The following DCHS2 variants were observed in gnomAD, a reference collection of about 807,000 sequenced individuals.
DCHS2 encodes dachsous cadherin-related 2, also known as protocadherin-23.
A neutral mutation model predicts 182.4 loss-of-function variants in DCHS2; 142 were observed. The ratio of observed to expected loss-of-function variants is 0.78; its 90% CI spans 0.68 to 0.89. The LOEUF (loss-of-function observed/expected upper bound fraction) is 0.89, where lower values mean the gene tolerates loss of function less well. Among genes scored for constraint, DCHS2 ranks in the 40% least tolerant of loss-of-function variants. The pLI is 0.00. For synonymous variants in DCHS2, 1,740 were observed against 1,663.3 expected (o/e 1.05, Z -1.12); for missense variants, 4,319 against 4,198.6 (o/e 1.03, Z -0.79).
chr4:154,239,944 A>G (rs966402559), intron 18 of DCHS2, among the ~76,000 whole-genome samples: 3 of 152,220 alleles, frequency 2.0e-5, no homozygotes, highest in African/African-American at 7.2e-5. Flanking sequence ...CATGGCATTA[A>G]TTCAAGCAAG....
At chr4:154,369,884 G>T (rs1272603127) in intron 2 of DCHS2, among the ~76,000 whole-genome samples, 1 of 152,146 alleles carries the variant, frequency 6.6e-6, no homozygotes, top group Non-Finnish European at 1.5e-5. Context: ...ATATAATATT[G>T]GAGGCAGGAG....
intron 1 of DCHS2, among the ~76,000 whole-genome samples, chr4:154,461,043 T>C (rs1255656952): frequency 6.6e-6 from 1 of 152,084 alleles, no homozygotes; most frequent in Non-Finnish European, 1.5e-5. Context: ...AGGAATAACA[T>C]ATGAATCACA....
At chr4:154,274,889 AAAAC>A (rs769829325) in intron 13 of DCHS2, among the ~76,000 whole-genome samples, 5 of 152,084 alleles carry the variant, frequency 3.3e-5, no homozygotes, top group Admixed American at 6.6e-5. Context: ...GTAGTTAGAA[AAAAC>A]AAACAAAATA....
At chr4:154,247,099 A>G (rs1732106391) in intron 16 of DCHS2, among the ~76,000 whole-genome samples, 1 of 152,228 alleles carries the variant, frequency 6.6e-6, no homozygotes, top group Admixed American at 6.5e-5. Context: ...ACATCAAAAT[A>G]TGCAATCACA....
At chr4:154,384,913 T>TTTTTTA (rs199679639) in intron 1 of DCHS2, among the ~76,000 whole-genome samples, 2 of 151,938 alleles carry the variant, frequency 1.3e-5, no homozygotes, top group Non-Finnish European at 1.5e-5. Flanking sequence ...TATGGAAATG[T>TTTTTTA]TTTTTATTTT....
In DCHS2 at chr4:154,401,950, T is replaced by C. The variant is rs533690684; in HGVS notation, c.2053-24506A>G. On this transcript the variant is annotated intron_variant, in intron 1 of 19. Coordinates refer to ENST00000357232, the MANE Select transcript of DCHS2 (RefSeq NM_001358235.2). ...TGGAGGTTGCAGTTAGCTGAGATCA[T>C]GCAACTTCACTCCAGCCTGGGCAAC... 4.6e-5 allele frequency among the ~76,000 whole-genome samples: 7 copies of C among 152,324 alleles called. 1 individual carries two copies. In the South Asian group the frequency reaches 8.3e-4, roughly 18 times the overall value.
rs749838501 is a variant in DCHS2, at chr4:154,334,958, C to A, written c.2623G>T (p.Glu875Ter). 2 of 1,614,194 alleles carry A rather than the reference C, an allele frequency of 1.2e-6. No homozygotes were observed. The highest frequency in any genetic ancestry group is 2.2e-5 in the South Asian group (2 of 91,084). ...AAAGTGTACTTAGGCCTTTCAAACT[C>A]AGCAGGTGCCAGAGTTGTCTGGAAA... ...HIFQTTLAPAEFERPKYTFLV... is the reference protein window; with the variant it reads ...HIFQTTLAPA The change falls in exon 4 of 20, where the codon GAG (glutamate) becomes TAG (stop). Residue 875 changes from glutamate (E) to a stop codon, truncating the protein, a stop_gained. Transcript: ENST00000357232. LOFTEE classifies it high-confidence loss of function.
Position 154,297,946 on chromosome 4 carries a change from G to T in DCHS2, c.6368C>A (p.Thr2123Lys). The T allele has an allele frequency of 1.2e-6, 2 of 1,614,096 alleles. No individual in the cohort carries two copies. The highest frequency in any genetic ancestry group is 1.7e-6 in the Non-Finnish European group (2 of 1,179,994). Residue 2123 changes from threonine (T) to lysine (K), a missense_variant, in exon 13 of 20, where the codon ACG becomes AAG. Thr to Lys is a moderately conservative substitution (Grantham distance 78). Coordinates refer to ENST00000357232, the MANE Select transcript of DCHS2 (RefSeq NM_001358235.2). ...TDQGIPARTT[T>K]GLLVIHMEGE... ...TTCCATGTGAATGACCAAGAGACCCGTGGTTGTCCTGGCTGGAATGCCCTG... is the reference window on the plus strand; with the variant it reads ...TTCCATGTGAATGACCAAGAGACCCTTGGTTGTCCTGGCTGGAATGCCCTG...
intron 9 of DCHS2, among the ~76,000 whole-genome samples, chr4:154,319,392 C>T (rs191371972): frequency 2.9e-4 from 44 of 151,634 alleles, no homozygotes; most frequent in African/African-American, 1.0e-3. Context: ...AAAAAGGCAA[C>T]CTATAGAATG....
In DCHS2 at chr4:154,233,174, T is replaced by C. The variant is rs1172526607; in HGVS notation, c.*1362A>G. On this transcript the variant is annotated 3_prime_UTR_variant, in exon 20 of 20. Transcript: ENST00000357232. ...TTTCACATTAGAATTCCTAAACTGT[T>C]AGCCTAACACCTGGCCCTCATGCTG... The C allele has an allele frequency of 2.0e-5, 3 of 152,170 alleles. No homozygotes were observed. Among genetic ancestry groups the C allele is most frequent in the Admixed American group, 2.0e-4 (3 of 15,264 alleles). The allele number at this position is 152,170 out of a possible 1,614,324, so 9.4% of individuals were successfully genotyped here. A position where few individuals can be genotyped will look rare whatever the true frequency, so the allele number is the denominator to read the frequency against.
In DCHS2 at chr4:154,236,676, T is replaced by A. The variant is rs778584525; in HGVS notation, c.7976A>T (p.Asn2659Ile). 2 of 1,614,036 alleles carry A rather than the reference T, an allele frequency of 1.2e-6. No individual in the cohort carries two copies. The highest frequency in any genetic ancestry group is 2.2e-5 in the South Asian group (2 of 91,074). The stretch of plus-strand genomic sequence containing the variant: ...GCTGCTGAAGTTTGGGGGATTGTCA[T>A]TGACATCAAGTACTTGTATTGATAT... ...AVISIQVLDV[N>I]DNPPNFSSLS... is the part of the protein sequence containing the mutation. Residue 2659 changes from asparagine (N) to isoleucine (I), a missense_variant, in exon 20 of 20, where the codon AAT (asparagine) becomes ATT (isoleucine). Physicochemically the swap from Asn to Ile is moderately radical, Grantham distance 149. Transcript: ENST00000357232.
chr4:154,433,786 C>A (rs1733663531), intron 1 of DCHS2, among the ~76,000 whole-genome samples: 1 of 152,194 alleles, frequency 6.6e-6, no homozygotes, highest in Non-Finnish European at 1.5e-5. Flanking sequence ...CCTGCAGTGG[C>A]CTCGCTGCTC....
chr4:154,370,787 C>T (rs1730607940), intron 2 of DCHS2, among the ~76,000 whole-genome samples: 2 of 152,144 alleles, frequency 1.3e-5, no homozygotes, highest in South Asian at 4.1e-4. Context: ...GCTGAGATGG[C>T]AGTGCAGAAA....
chr4:154,314,209 A>T (rs1353500061), intron 10 of DCHS2, among the ~76,000 whole-genome samples: 1 of 152,184 alleles, frequency 6.6e-6, no homozygotes, highest in Admixed American at 6.5e-5. Flanking sequence ...AGTTCAGTAT[A>T]TGTCTATATA....
At chr4:154,263,330 T>A (rs2111182430) in intron 14 of DCHS2, among the ~76,000 whole-genome samples, 1 of 152,052 alleles carries the variant, frequency 6.6e-6, no homozygotes, top group South Asian at 2.1e-4. Context: ...TTGACCAATC[T>A]TCATGATAAA....
intron 1 of DCHS2, among the ~76,000 whole-genome samples, chr4:154,387,311 G>T (rs889378598): frequency 1.3e-4 from 20 of 152,116 alleles, no homozygotes; most frequent in Admixed American, 1.2e-3. Context: ...GTCCTATAAG[G>T]TGTTATAAAA....
Position 154,401,817 on chromosome 4 carries a change from A to T in DCHS2, c.2053-24373T>A, listed in dbSNP as rs183930149. Among the ~76,000 whole-genome samples, 185 of 152,250 alleles carry T rather than the reference A, an allele frequency of 1.2e-3. 1 individual carries two copies. Among genetic ancestry groups the T allele is most frequent in the African/African-American group, 4.4e-3 (184 of 41,544 alleles). ...AGACCAGCCTGGTCAACGTGGTGAAACCCCATCTCTATTAAAAATACAAAA... is the reference window on the plus strand; with the variant it reads ...AGACCAGCCTGGTCAACGTGGTGAATCCCCATCTCTATTAAAAATACAAAA... On this transcript the variant is annotated intron_variant, in intron 1 of 19. Coordinates refer to ENST00000357232, the MANE Select transcript of DCHS2 (RefSeq NM_001358235.2).
chr4:154,412,945 A>G (rs150571444), intron 1 of DCHS2, among the ~76,000 whole-genome samples: 1 of 152,352 alleles, frequency 6.6e-6, no homozygotes, highest in Non-Finnish European at 1.5e-5. Flanking sequence ...GTTGAAAAGC[A>G]CAGAAGTAAG....
At chr4:154,257,797 A>T (rs1311402505) in intron 15 of DCHS2, among the ~76,000 whole-genome samples, 2 of 152,184 alleles carry the variant, frequency 1.3e-5, no homozygotes, top group Non-Finnish European at 2.9e-5. Flanking sequence ...CAATGATTGG[A>T]AAATGGAAAG....
Sources: gnomAD v4.1 joint callset for allele counts (sites outside exome capture counted in the v4.1 genomes callset) on GRCh38, gnomAD v4.1.1 for gene constraint, MANE v1.5 for transcripts, NCBI Gene and HGNC (gene_info 2026-07-23, HGNC 2026-07-21) for gene names.